PLCB1: variants seen among roughly 807,000 people sequenced by gnomAD.
The protein encoded by PLCB1 is phospholipase C beta 1, also known as 1-phosphatidylinositol 4,5-bisphosphate phosphodiesterase beta-1.
Under a neutral mutation model 161.8 loss-of-function variants are expected in PLCB1, and 46 were observed. The ratio of observed to expected loss-of-function variants is 0.28; its 90% CI spans 0.22 to 0.36. PLCB1 has a LOEUF of 0.36. Among genes scored for constraint, PLCB1 ranks in the 10% least tolerant of loss-of-function variants. The pLI, the probability that PLCB1 is intolerant of heterozygous loss-of-function variation, is 1.00. For synonymous variants in PLCB1, 517 were observed against 503.7 expected, an observed-to-expected ratio of 1.03 and a Z score of -0.35; for missense variants, 1,016 against 1,472.5, an observed-to-expected ratio of 0.69 and a Z score of 5.07.
intron 3 of PLCB1, among the ~76,000 whole-genome samples, chr20:8,394,611 G>A (rs904082084): frequency 6.6e-6 from 1 of 152,072 alleles, no homozygotes; most frequent in Non-Finnish European, 1.5e-5. Context: ...CTATTTCTCA[G>A]GGTTATTGTG....
At chr20:8,876,482 T>A (rs3848834) in intron 31 of PLCB1, among the ~76,000 whole-genome samples, 50,532 of 152,008 alleles carry the variant, frequency 0.33, 8,515 homozygotes, top group South Asian at 0.51. Context: ...GGGCCAGCTG[T>A]GTTAGCTTAT....
At chr20:8,742,089 A>G (rs1462229719) in intron 23 of PLCB1, among the ~76,000 whole-genome samples, 1 of 152,140 alleles carries the variant, frequency 6.6e-6, no homozygotes, top group Non-Finnish European at 1.5e-5. Flanking sequence ...CAAATAATTG[A>G]TATATTATTC....
At chr20:8,559,567 A>G (rs781386240) in intron 3 of PLCB1, among the ~76,000 whole-genome samples, 1 of 151,998 alleles carries the variant, frequency 6.6e-6, no homozygotes, top group Non-Finnish European at 1.5e-5. Context: ...TGCTGTTTAC[A>G]ACACATTCAC....
rs1460137284 is a variant in PLCB1 at position 8,539,029 on chromosome 20, C to T, written c.247-89265C>T. On this transcript the variant is annotated intron_variant, in intron 3 of 31. Coordinates refer to ENST00000338037, the MANE Select transcript of PLCB1 (RefSeq NM_015192.4). ...GTCCTGAACTCCTGACCTCAGGATC[C>T]ACCCGCCTCAGACTCTCAAAGTGCT... Among the ~76,000 whole-genome samples, 3 of 152,126 alleles carry T rather than the reference C, an allele frequency of 2.0e-5. No individual in the cohort carries two copies. The East Asian group carries it at 5.8e-4, about 30-fold the overall frequency.
intron 31 of PLCB1, among the ~76,000 whole-genome samples, chr20:8,841,436 C>A (rs1986499921): frequency 6.6e-6 from 1 of 152,206 alleles, no homozygotes; most frequent in African/African-American, 2.4e-5. Context: ...TTGTGGGAAT[C>A]ATCAGGCTAA....
chr20:8,252,706 TACTC>T (rs138216709), intron 2 of PLCB1, among the ~76,000 whole-genome samples: 11,009 of 152,010 alleles, frequency 0.072, 483 homozygotes, highest in South Asian at 0.16. Flanking sequence ...CACTGTCCCT[TACTC>T]ACCCCTGCTG....
chr20:8,765,076 T>C, intron 25 of PLCB1, 63 bp from the exon 26 acceptor site: 2 of 1,300,582 alleles, frequency 1.5e-6, no homozygotes, highest in East Asian at 4.6e-5. Context: ...AGGTAGCCGC[T>C]CTTCTTTCCA....
At chr20:8,670,343 C>G (rs1686269548) in intron 9 of PLCB1, among the ~76,000 whole-genome samples, 1 of 152,144 alleles carries the variant, frequency 6.6e-6, no homozygotes, top group South Asian at 2.1e-4. Context: ...AGTGCTAAAT[C>G]AAAGTAAGGT....
In PLCB1 at chr20:8,132,402, C is replaced by T. The variant is rs2051299837; in HGVS notation, c.-250C>T. The stretch of plus-strand genomic sequence containing the variant: ...CTTCTCTTCGCCTTCCGAGGCTCCT[C>T]ATCCACCGCGGGCTCCAGACCTCGC... On this transcript the variant is annotated 5_prime_UTR_variant, in exon 1 of 32. Transcript: ENST00000338037. The surrounding 1 kb of genome is among the most constrained non-coding windows in gnomAD (Gnocchi z 5.2). 3.5e-6 allele frequency: 1 copy of T among 287,894 alleles called. No homozygotes were observed. The highest frequency in any genetic ancestry group is 6.4e-6 in the Non-Finnish European group (1 of 155,972). 17.8% of individuals were successfully genotyped at this position (287,894 alleles called of 1,614,324 possible).
At chr20:8,650,839 G>A (rs2123299459) in intron 7 of PLCB1, among the ~76,000 whole-genome samples, 1 of 117,510 alleles carries the variant, frequency 8.5e-6, no homozygotes, top group Middle Eastern at 4.4e-3. Context: ...TGCTCAGAAA[G>A]TTTTTACTGA....
intron 3 of PLCB1, among the ~76,000 whole-genome samples, chr20:8,427,122 G>T (rs1183984956): frequency 1.3e-5 from 2 of 152,066 alleles, no homozygotes; most frequent in African/African-American, 2.4e-5. Flanking sequence ...TGTTGGACGG[G>T]CTGGTCTCGA....
At chr20:8,456,620 A>C (rs1981330226) in intron 3 of PLCB1, among the ~76,000 whole-genome samples, 1 of 152,248 alleles carries the variant, frequency 6.6e-6, no homozygotes, top group Admixed American at 6.5e-5. Flanking sequence ...CATATAAAAA[A>C]GGAAACAAAA....
intron 31 of PLCB1, among the ~76,000 whole-genome samples, chr20:8,840,642 AT>A (rs1986466729): frequency 6.6e-6 from 1 of 152,194 alleles, no homozygotes; most frequent in East Asian, 1.9e-4. Flanking sequence ...TGGAGGCAAT[AT>A]CTTCATAAAT....
intron 18 of PLCB1, chr20:8,732,275 T>G (rs1202805881): frequency 6.6e-6 from 1 of 152,056 alleles, no homozygotes; most frequent in African/African-American, 2.4e-5. Context: ...CATGGAGAAG[T>G]CCATTCTCAA....
intron 2 of PLCB1, among the ~76,000 whole-genome samples, chr20:8,231,989 TATC>T (rs567404026): frequency 5.6e-3 from 859 of 152,326 alleles, no homozygotes; most frequent in Admixed American, 8.6e-3. Flanking sequence ...GTCGCCAATC[TATC>T]ATCTTTTCAG....
chr20:8,831,912 C>CTTTCTTTCTTTCTTTCTT (rs1322579258), intron 31 of PLCB1, among the ~76,000 whole-genome samples: 1 of 58,572 alleles, frequency 1.7e-5, no homozygotes, highest in Non-Finnish European at 3.6e-5. Flanking sequence ...CTCTTTCTTT[C>CTTTCTTTCTTTCTTTCTT]TCTTTCTTTC....
intron 10 of PLCB1, among the ~76,000 whole-genome samples, chr20:8,687,264 A>G (rs1219613379): frequency 2.0e-5 from 3 of 152,182 alleles, no homozygotes; most frequent in Non-Finnish European, 4.4e-5. Context: ...AGCTCAAGCA[A>G]TCCTTCTGCC....
At chr20:8,474,650 T>A (rs974827448) in intron 3 of PLCB1, among the ~76,000 whole-genome samples, 5 of 152,130 alleles carry the variant, frequency 3.3e-5, no homozygotes, top group Non-Finnish European at 5.9e-5. Flanking sequence ...TTGGCATTCA[T>A]GCTCTAGCAC....
At chr20:8,662,499 AATT>A (rs1294282711) in intron 9 of PLCB1, among the ~76,000 whole-genome samples, 23 of 141,004 alleles carry the variant, frequency 1.6e-4, no homozygotes, top group African/African-American at 6.0e-4. Flanking sequence ...TTTATTATAT[AATT>A]ATGTATAATA....
Sources: allele counts gnomAD v4.1 joint callset (sites outside exome capture counted in the v4.1 genomes callset), GRCh38; gene constraint gnomAD v4.1.1; non-coding constraint Gnocchi (gnomAD v3.1); transcripts MANE v1.5; gene names NCBI Gene and HGNC (gene_info 2026-07-23, HGNC 2026-07-21).